PTBP2: variants seen among roughly 807,000 people sequenced by gnomAD.
The protein encoded by PTBP2 is polypyrimidine tract binding protein 2, also known as polypyrimidine tract-binding protein 2.
In PTBP2, 13 loss-of-function variants were observed where a neutral mutation model predicts 61.4. The ratio of observed to expected loss-of-function variants is 0.21; its 90% CI spans 0.14 to 0.34. The LOEUF is 0.34. PTBP2 is among the 10% of genes least tolerant of loss of function. The pLI, the probability that PTBP2 is intolerant of heterozygous loss-of-function variation, is 1.00. For missense variants in PTBP2, 405 were observed against 642.6 expected (o/e 0.63, Z 4.00); for synonymous variants, 215 against 218.5 (o/e 0.98, Z 0.14).
chr1:96,721,933 C>A, intron 1 of PTBP2, 61 bp downstream of exon 1: 1 of 1,553,580 alleles, frequency 6.4e-7, no homozygotes, highest in Non-Finnish European at 8.7e-7. Context: ...TCCTTCGGCC[C>A]GGTCCCGGGC....
At chr1:96,733,180 A>G (rs1651685454) in intron 2 of PTBP2, among the ~76,000 whole-genome samples, 1 of 151,856 alleles carries the variant, frequency 6.6e-6, no homozygotes, top group Non-Finnish European at 1.5e-5. Context: ...TTTCCTTGAC[A>G]TAACTCGGCT....
At chr1:96,787,684 AATAC>A (rs1316953954) in intron 8 of PTBP2, among the ~76,000 whole-genome samples, 1 of 152,186 alleles carries the variant, frequency 6.6e-6, no homozygotes, top group Non-Finnish European at 1.5e-5. Context: ...TTTTTATGTA[AATAC>A]ATGTTTCTGT....
At chr1:96,808,875 A>G (rs990658536) in intron 11 of PTBP2, among the ~76,000 whole-genome samples, 1 of 152,158 alleles carries the variant, frequency 6.6e-6, no homozygotes, top group Non-Finnish European at 1.5e-5. Flanking sequence ...AGTATGGTGT[A>G]CTAAAAAGAT....
At position 96,804,541 on chromosome 1, in the gene PTBP2, T is replaced by A. The variant is rs183741579; in HGVS notation, c.905-259T>A. ...TTGCTTTTCCAGAGGAAATAGAGTA[T>A]TATATATTTGATATTTTAACATAAT... On this transcript the variant is annotated intron_variant, in intron 8 of 13. Coordinates refer to ENST00000674951, the MANE Select transcript of PTBP2 (RefSeq NM_021190.4). Among the ~76,000 whole-genome samples, 101 of 152,278 alleles carry A rather than the reference T, an allele frequency of 6.6e-4. 1 individual carries two copies. The East Asian group carries it at 0.015, about 23-fold the overall frequency.
rs530149223 is a variant in PTBP2, at chr1:96,807,013, A to G, written c.1171+55A>G. On this transcript the variant is annotated intron_variant, in intron 11 of 13. Coordinates refer to ENST00000674951, the MANE Select transcript of PTBP2 (RefSeq NM_021190.4). The stretch of plus-strand genomic sequence containing the variant: ...TCTTCACTTCTGCTTTCAAATGCAT[A>G]ATGTGAATGTGCGAATAAAAATAAA... 9 of 1,306,776 alleles carry G rather than the reference A, an allele frequency of 6.9e-6. No homozygotes were observed. In the Admixed American group the frequency reaches 1.8e-4, roughly 26 times the overall value. The allele number at this position is 1,306,776 out of a possible 1,614,324, so 80.9% of individuals were successfully genotyped here.
intron 2 of PTBP2, among the ~76,000 whole-genome samples, chr1:96,725,805 C>G (rs991612885): frequency 6.6e-6 from 1 of 151,808 alleles, no homozygotes; most frequent in Non-Finnish European, 1.5e-5. Context: ...TCAGGCCGGG[C>G]GCGGTGGGTC....
At chr1:96,799,294 C>G (rs1450634307) in intron 8 of PTBP2, among the ~76,000 whole-genome samples, 1 of 92,198 alleles carries the variant, frequency 1.1e-5, no homozygotes, top group East Asian at 3.2e-4. Context: ...ATAGATCAAG[C>G]TTTTTTTTTT....
At chr1:96,723,643 A>G in intron 2 of PTBP2, 49 bp downstream of exon 2, 2 of 1,486,072 alleles carry the variant, frequency 1.3e-6, no homozygotes, top group Non-Finnish European at 1.8e-6. Context: ...CTATTATCAT[A>G]ATTACTGGAA....
rs532152532 is a variant in PTBP2, at chr1:96,794,804, C to T, written c.904+9550C>T. ...GGAGAAATTGGGAGGGTTTTATGGG[C>T]CAAAAACAGCATGATTAAATGTGAT... On this transcript the variant is annotated intron_variant, in intron 8 of 13. Transcript: ENST00000674951. Among the ~76,000 whole-genome samples the T allele has an allele frequency of 4.6e-5, 7 of 151,986 alleles. No homozygotes were observed. In the East Asian group the frequency reaches 1.4e-3, roughly 29 times the overall value.
intron 8 of PTBP2, among the ~76,000 whole-genome samples, chr1:96,794,320 G>A (rs905095386): frequency 3.9e-5 from 6 of 152,308 alleles, no homozygotes; most frequent in African/African-American, 1.4e-4. Context: ...AGATTTTATT[G>A]AAGAAATTGT....
At chr1:96,739,665 C>T (rs1049004169) in intron 2 of PTBP2, among the ~76,000 whole-genome samples, 10 of 122,510 alleles carry the variant, frequency 8.2e-5, no homozygotes, top group Middle Eastern at 6.9e-3. Context: ...CTTACTCTGT[C>T]GCCCAGGCTG....
chr1:96,819,957 A>G (rs1307419599), downstream of PTBP2: 7 of 151,954 alleles, frequency 4.6e-5, no homozygotes, highest in Admixed American at 3.3e-4. Flanking sequence ...AGCTACAGGA[A>G]GAGATAGAAA....
At chr1:96,723,524 GAAT>G in intron 1 of PTBP2, 37 bp from the exon 2 acceptor site, 1 of 1,550,854 alleles carries the variant, frequency 6.4e-7, no homozygotes, top group Non-Finnish European at 8.8e-7. Flanking sequence ...GTGATTAGAA[GAAT>G]AACAGGAGGT....
At chr1:96,791,455 G>T (rs1659782891) in intron 8 of PTBP2, among the ~76,000 whole-genome samples, 1 of 151,998 alleles carries the variant, frequency 6.6e-6, no homozygotes, top group African/African-American at 2.4e-5. Flanking sequence ...TAAGTTTTTG[G>T]GTTTCTTGAA....
chr1:96,787,946 A>C (rs1659388280), intron 8 of PTBP2, among the ~76,000 whole-genome samples: 1 of 152,150 alleles, frequency 6.6e-6, no homozygotes, highest in Admixed American at 6.5e-5. Flanking sequence ...GTCAAAGAAA[A>C]TGTTAAAGCC....
At chr1:96,811,839 C>T (rs1662118135) in intron 11 of PTBP2, among the ~76,000 whole-genome samples, 1 of 152,186 alleles carries the variant, frequency 6.6e-6, no homozygotes, top group Non-Finnish European at 1.5e-5. Context: ...AAACATATAA[C>T]TTTCTAGCAT....
chr1:96,781,848 G>A (rs915011756), intron 7 of PTBP2, among the ~76,000 whole-genome samples: 9 of 151,964 alleles, frequency 5.9e-5, no homozygotes, highest in Admixed American at 3.9e-4. Context: ...TATTTTATGC[G>A]ATCCTCATAT....
chr1:96,762,675 C>T (rs1411733097), intron 3 of PTBP2, among the ~76,000 whole-genome samples: 4 of 136,988 alleles, frequency 2.9e-5, no homozygotes, highest in East Asian at 2.0e-4. Context: ...GGGGGTCTGA[C>T]CCCCCCACCT....
chr1:96,791,990 C>A (rs112155881), intron 8 of PTBP2, among the ~76,000 whole-genome samples: 39 of 151,936 alleles, frequency 2.6e-4, no homozygotes, highest in African/African-American at 8.7e-4. Context: ...CACGCCACCA[C>A]GCCCAGCTAA....
Sources: allele counts gnomAD v4.1 joint callset (sites outside exome capture counted in the v4.1 genomes callset), GRCh38; gene constraint gnomAD v4.1.1; transcripts MANE v1.5; gene names NCBI Gene and HGNC (gene_info 2026-07-23, HGNC 2026-07-21).